The following RYR2 variants were observed in gnomAD, a reference collection of about 807,000 sequenced individuals.
RYR2 encodes the protein cardiac muscle ryanodine receptor-calcium release channel.
RYR2 carries 227 observed loss-of-function variants against 601.1 expected under a neutral mutation model. That is an observed-to-expected ratio of 0.38 (90% CI 0.34 to 0.42). The LOEUF is 0.42. Ranked by LOEUF, RYR2 falls within the 10% of genes least tolerant of loss-of-function variation. The pLI is 1.00. For missense variants in RYR2, 4,646 were observed against 6,156.5 expected, an observed-to-expected ratio of 0.75 and a Z score of 8.21; for synonymous variants, 2,223 against 2,175.1, an observed-to-expected ratio of 1.02 and a Z score of -0.61.
intron 1 of RYR2, among the ~76,000 whole-genome samples, chr1:237,135,322 A>G (rs1245510420): frequency 6.6e-6 from 1 of 151,594 alleles, no homozygotes; most frequent in Admixed American, 6.6e-5. Flanking sequence ...CCTGGGCTAC[A>G]GATTCTAAAA....
In RYR2 at chr1:237,625,611, A is replaced by G. The variant is rs781651622; in HGVS notation, c.6023-50A>G. 22 of 1,573,376 alleles carry G rather than the reference A, an allele frequency of 1.4e-5. 1 individual carries two copies. In the South Asian group the frequency reaches 2.5e-4, roughly 18 times the overall value. On this transcript the variant is annotated intron_variant, in intron 39 of 104. Transcript: ENST00000366574. ...TACAAGGCCTCAGAATTATTTGCCC[A>G]AGTGTATTCTTTAAATATTTTTTTC...
At chr1:237,617,126 A>T (rs1212028877) in intron 37 of RYR2, among the ~76,000 whole-genome samples, 160 bp from the exon 38 acceptor site, 1 of 152,216 alleles carries the variant, frequency 6.6e-6, no homozygotes, top group Non-Finnish European at 1.5e-5. Flanking sequence ...ATTATGTTTC[A>T]TCTCCTGGGA....
chr1:237,646,809 A>C (rs1409970547), intron 48 of RYR2, among the ~76,000 whole-genome samples: 1 of 152,170 alleles, frequency 6.6e-6, no homozygotes, highest in African/African-American at 2.4e-5. Flanking sequence ...ACTGCTGGTA[A>C]TTGCGGGTGG....
At chr1:237,140,236 C>T (rs1673239627) in intron 1 of RYR2, among the ~76,000 whole-genome samples, 1 of 152,130 alleles carries the variant, frequency 6.6e-6, no homozygotes, top group African/African-American at 2.4e-5. Flanking sequence ...ATCTGTTTAT[C>T]AGCTTTCATC....
At chr1:237,187,851 C>T (rs907810107) in intron 1 of RYR2, among the ~76,000 whole-genome samples, 1 of 152,160 alleles carries the variant, frequency 6.6e-6, no homozygotes, top group Non-Finnish European at 1.5e-5. Context: ...AACCTAAGTA[C>T]ACCTTTTAGA....
chr1:237,051,508 C>T (rs1661281125), intron 1 of RYR2, among the ~76,000 whole-genome samples: 1 of 151,842 alleles, frequency 6.6e-6, no homozygotes. Context: ...TCTTAAGGCA[C>T]ATTTGAATAG....
In RYR2 at chr1:237,043,146, C is replaced by A. The variant is rs1441007936; in HGVS notation, c.48+577C>A. Among the ~76,000 whole-genome samples the A allele has an allele frequency of 2.0e-5, 3 of 152,214 alleles. No homozygotes were observed. In the East Asian group the frequency reaches 5.8e-4, roughly 29 times the overall value. On this transcript the variant is annotated intron_variant, in intron 1 of 104. Coordinates refer to ENST00000366574, the MANE Select transcript of RYR2 (RefSeq NM_001035.3). ...GCGGGGGTGATGGTGCAGGACGCTG[C>A]GCGGAGGTTTCCCCCAAGTCAAGGT... is the stretch of plus-strand genomic sequence containing the variant.
intron 1 of RYR2, among the ~76,000 whole-genome samples, chr1:237,153,022 T>C (rs565736721): frequency 2.0e-5 from 3 of 152,320 alleles, no homozygotes; most frequent in East Asian, 3.9e-4. Context: ...AGCCATTTTC[T>C]AAGGGCTTTG....
chr1:237,645,322 C>G (rs1682009802), intron 48 of RYR2, among the ~76,000 whole-genome samples: 1 of 152,206 alleles, frequency 6.6e-6, no homozygotes, highest in South Asian at 2.1e-4. Context: ...TAAAAATCTT[C>G]CCCGCCTTTG....
rs796477537 is a variant in RYR2 at position 237,173,173 on chromosome 1, CT to C, written c.49-97311del. On this transcript the variant is annotated intron_variant, in intron 1 of 104. Transcript: ENST00000366574. ...GATGCTGTAGATACGACAAACTACT[CT>C]TTTTTTTTTTTTATCAGCTTATTGC... Among the ~76,000 whole-genome samples, 491 of 148,292 alleles carry C rather than the reference CT, an allele frequency of 3.3e-3. 1 individual carries two copies. Among genetic ancestry groups the C allele is most frequent in the African/African-American group, 9.3e-3 (374 of 40,084 alleles).
intron 1 of RYR2, among the ~76,000 whole-genome samples, chr1:237,186,677 T>A (rs1278989220): frequency 6.6e-6 from 1 of 152,194 alleles, no homozygotes; most frequent in African/African-American, 2.4e-5. Context: ...TCCCCATCAC[T>A]GTGCCGAAAA....
Position 237,548,590 on chromosome 1 carries a change from G to A in RYR2, c.3066G>A (p.Gln1022=). ...IRQGWTYGIQ[Q]DVKNRRNPRL... Reference sequence around the variant, plus strand: ...AGGGCTGGACTTATGGCATCCAACAGGTACATGGGAATTAGCATTTGGTCT... The same window carrying A: ...AGGGCTGGACTTATGGCATCCAACAAGTACATGGGAATTAGCATTTGGTCT... The change falls in exon 26 of 105, where the codon CAG becomes CAA. Residue 1022 remains glutamine, a splice_region_variant and synonymous_variant. Transcript: ENST00000366574. 2 of 1,613,164 alleles carry A rather than the reference G, an allele frequency of 1.2e-6. No individual in the cohort carries two copies. The highest frequency in any genetic ancestry group is 1.7e-6 in the Non-Finnish European group (2 of 1,179,562).
Position 237,808,952 on chromosome 1 carries a change from G to A in RYR2, c.14350G>A (p.Val4784Met). The part of the protein sequence containing the change: ...LAVVVYLYTV[V>M]AFNFFRKFYN... ...TGTTGTTGTATACCTATACACTGTG[G>A]TGGCATTCAATTTTTTCCGAAAATT... is the stretch of plus-strand genomic sequence containing the variant. Residue 4784 changes from valine (V) to methionine (M), a missense_variant, in exon 100 of 105, where the codon GTG becomes ATG. Coordinates refer to ENST00000366574, the MANE Select transcript of RYR2 (RefSeq NM_001035.3). 6.2e-7 allele frequency: 1 copy of A among 1,613,144 alleles called. No individual in the cohort carries two copies. The highest frequency in any genetic ancestry group is 8.5e-7 in the Non-Finnish European group (1 of 1,179,136).
intron 2 of RYR2, among the ~76,000 whole-genome samples, chr1:237,320,741 C>G (rs1336628510): frequency 1.3e-5 from 2 of 152,238 alleles, no homozygotes; most frequent in Non-Finnish European, 2.9e-5. Flanking sequence ...GGAAAGCCCT[C>G]TGTATTTAAA....
chr1:237,120,656 A>C (rs972903142), intron 1 of RYR2, among the ~76,000 whole-genome samples: 8 of 151,860 alleles, frequency 5.3e-5, no homozygotes, highest in Non-Finnish European at 1.2e-4. Flanking sequence ...AGTCGAACCT[A>C]CCCTCCTAGG....
In RYR2 at chr1:237,785,955, T is replaced by C. The variant is rs1366697129; in HGVS notation, c.13261-14T>C. On this transcript the variant is annotated splice_polypyrimidine_tract_variant and intron_variant, in intron 90 of 104. Coordinates refer to ENST00000366574, the MANE Select transcript of RYR2 (RefSeq NM_001035.3). ...GGTAATCCTGGTTTTCTTTTCCCCA[T>C]TGACTCATTCAAGGAACAGAAGGCA... 2.5e-6 allele frequency: 4 copies of C among 1,572,652 alleles called. No homozygotes were observed. The highest frequency in any genetic ancestry group is 1.8e-5 in the Admixed American group (1 of 55,884).
In RYR2 at chr1:237,351,818, A is replaced by G. The variant is rs368036149; in HGVS notation, c.274-4147A>G. Among the ~76,000 whole-genome samples the G allele has an allele frequency of 1.0e-4, 15 of 149,400 alleles. No individual in the cohort carries two copies. In the East Asian group the frequency reaches 2.0e-3, roughly 19 times the overall value. On this transcript the variant is annotated intron_variant, in intron 3 of 104. Coordinates refer to ENST00000366574, the MANE Select transcript of RYR2 (RefSeq NM_001035.3). ...CTTCCCAACTGATTTTATGAGGCCA[A>G]CATAACCCTGATCCTAAACTATGAC...
chr1:237,380,435 T>C (rs1701409519), intron 8 of RYR2, among the ~76,000 whole-genome samples: 1 of 112,702 alleles, frequency 8.9e-6, no homozygotes, highest in African/African-American at 3.6e-5. Flanking sequence ...AAATACGAAG[T>C]CTGGTGAGTA....
At chr1:237,713,660 G>A (rs1689024162) in intron 71 of RYR2, among the ~76,000 whole-genome samples, 1 of 152,072 alleles carries the variant, frequency 6.6e-6, no homozygotes, top group South Asian at 2.1e-4. Context: ...GCCTCCCAAA[G>A]TACCTGGATT....
Sources: gnomAD v4.1 joint callset for allele counts (sites outside exome capture counted in the v4.1 genomes callset) on GRCh38, gnomAD v4.1.1 for gene constraint, MANE v1.5 for transcripts, NCBI Gene and HGNC (gene_info 2026-07-23, HGNC 2026-07-21) for gene names.